MDGA2: variants seen among roughly 807,000 people sequenced by gnomAD.
The protein encoded by MDGA2 is MAM domain-containing glycosylphosphatidylinositol anchor protein 2.
MDGA2 carries 40 observed loss-of-function variants against 117.8 expected under a neutral mutation model. That is an observed-to-expected ratio of 0.34 (90% CI 0.26 to 0.44). The LOEUF (loss-of-function observed/expected upper bound fraction) is 0.44, where lower values mean the gene tolerates loss of function less well. MDGA2 is among the 20% of genes least tolerant of loss of function. The probability of loss-of-function intolerance (pLI) is 1.00; values close to 1 mark genes in which losing one functional copy is unlikely to be tolerated. For synonymous variants in MDGA2, 452 were observed against 439.0 expected, an observed-to-expected ratio of 1.03 and a Z score of -0.37; for missense variants, 1,123 against 1,250.6, an observed-to-expected ratio of 0.90 and a Z score of 1.54.
chr14:47,509,144 C>T (rs994638993), intron 1 of MDGA2, among the ~76,000 whole-genome samples: 3 of 152,084 alleles, frequency 2.0e-5, no homozygotes, highest in Admixed American at 6.5e-5. Flanking sequence ...ACCAGAATGC[C>T]GTGAAAAACA....
chr14:47,052,602 T>C (rs1404374434), intron 7 of MDGA2, among the ~76,000 whole-genome samples: 2 of 151,938 alleles, frequency 1.3e-5, no homozygotes. Context: ...TCCATTTTTA[T>C]ATTTATGTCC....
intron 3 of MDGA2, among the ~76,000 whole-genome samples, chr14:47,192,819 A>G (rs2139412082): frequency 6.6e-6 from 1 of 152,262 alleles, no homozygotes; most frequent in South Asian, 2.1e-4. Flanking sequence ...AAATAGGCCA[A>G]CCACATATGC....
At chr14:47,494,019 A>G (rs1195983988) in intron 1 of MDGA2, among the ~76,000 whole-genome samples, 2 of 152,146 alleles carry the variant, frequency 1.3e-5, no homozygotes, top group East Asian at 1.9e-4. Flanking sequence ...TTGTGACAGT[A>G]AGTGAGTTAT....
At chr14:47,599,338 A>G (rs940085167) in intron 1 of MDGA2, among the ~76,000 whole-genome samples, 3 of 152,104 alleles carry the variant, frequency 2.0e-5, no homozygotes, top group African/African-American at 7.2e-5. Context: ...TTTTATTCAA[A>G]TGGCATCAAA....
intron 14 of MDGA2, among the ~76,000 whole-genome samples, chr14:46,867,492 T>C (rs546750312): frequency 6.6e-6 from 1 of 152,192 alleles, no homozygotes; most frequent in East Asian, 1.9e-4. Flanking sequence ...TGTATACATA[T>C]GTAACTAACC....
At chr14:47,475,746 T>C (rs1375372497) in intron 1 of MDGA2, among the ~76,000 whole-genome samples, 5 of 152,168 alleles carry the variant, frequency 3.3e-5, no homozygotes, top group Non-Finnish European at 5.9e-5. Context: ...ACACTGCATG[T>C]TCTCACTTAT....
At chr14:47,417,295 C>G (rs996504163) in intron 1 of MDGA2, among the ~76,000 whole-genome samples, 7 of 152,198 alleles carry the variant, frequency 4.6e-5, no homozygotes, top group African/African-American at 1.7e-4. Flanking sequence ...TTCAAACATT[C>G]TACTTTGTCA....
At chr14:47,485,330 G>C (rs537338944) in intron 1 of MDGA2, among the ~76,000 whole-genome samples, 3 of 152,244 alleles carry the variant, frequency 2.0e-5, no homozygotes, top group South Asian at 4.1e-4. Flanking sequence ...CTTTGAACTT[G>C]AGAGAGTGAT....
rs187752069 is a variant in MDGA2, at chr14:47,502,653, G to C, written c.280+171864C>G. 6.4e-4 allele frequency among the ~76,000 whole-genome samples: 98 copies of C among 152,070 alleles called. 1 individual carries two copies. The highest frequency in any genetic ancestry group is 3.4e-3 in the Middle Eastern group (1 of 294). ...AAATCTCAAAGATAATCCTTTGGGGGTTTTTTTGTTTTATTATTTGTATTT... is the reference window on the plus strand; with the variant it reads ...AAATCTCAAAGATAATCCTTTGGGGCTTTTTTTGTTTTATTATTTGTATTT... On this transcript the variant is annotated intron_variant, in intron 1 of 16. Coordinates refer to ENST00000399232, the MANE Select transcript of MDGA2 (RefSeq NM_001113498.3).
chr14:47,276,224 A>G (rs568975902), intron 2 of MDGA2, among the ~76,000 whole-genome samples: 8 of 152,304 alleles, frequency 5.3e-5, no homozygotes, highest in Non-Finnish European at 7.3e-5. Context: ...AGTCCAAATT[A>G]TAAGTTCTAA....
At chr14:47,398,778 G>C (rs956319262) in intron 1 of MDGA2, among the ~76,000 whole-genome samples, 1 of 152,056 alleles carries the variant, frequency 6.6e-6, no homozygotes, top group African/African-American at 2.4e-5. Flanking sequence ...ATTTCCCTTA[G>C]TTCTTTATAT....
intron 1 of MDGA2, among the ~76,000 whole-genome samples, chr14:47,531,336 G>T (rs1895096225): frequency 6.6e-6 from 1 of 152,140 alleles, no homozygotes; most frequent in African/African-American, 2.4e-5. Flanking sequence ...CCTTTAGAAA[G>T]ACTTCAAATA....
intron 1 of MDGA2, among the ~76,000 whole-genome samples, chr14:47,651,266 C>T (rs1897638364): frequency 7.0e-6 from 1 of 143,674 alleles, no homozygotes; most frequent in Non-Finnish European, 1.5e-5. Context: ...CCATAAATAC[C>T]TATACACACA....
chr14:47,453,217 G>A (rs995871210), intron 1 of MDGA2, among the ~76,000 whole-genome samples: 1 of 151,984 alleles, frequency 6.6e-6, no homozygotes, highest in Non-Finnish European at 1.5e-5. Context: ...TTTCAAGTAT[G>A]ATCAACTGAT....
chr14:46,944,479 C>T (rs889682776), intron 9 of MDGA2, among the ~76,000 whole-genome samples: 2 of 151,776 alleles, frequency 1.3e-5, no homozygotes, highest in Non-Finnish European at 2.9e-5. Flanking sequence ...CCATGATATG[C>T]TTGGATCTGT....
chr14:47,667,818 A>G (rs188610519), intron 1 of MDGA2, among the ~76,000 whole-genome samples: 1 of 152,274 alleles, frequency 6.6e-6, no homozygotes, highest in Admixed American at 6.5e-5. Context: ...CAACAAAACA[A>G]GACAAAAAAT....
intron 1 of MDGA2, among the ~76,000 whole-genome samples, chr14:47,311,973 A>C (rs1293687081): frequency 3.9e-5 from 6 of 152,148 alleles, no homozygotes; most frequent in Non-Finnish European, 8.8e-5. Flanking sequence ...TAAATAATTT[A>C]TACTCTGATA....
At chr14:47,153,513 A>G (rs1322563108) in intron 3 of MDGA2, among the ~76,000 whole-genome samples, 1 of 152,036 alleles carries the variant, frequency 6.6e-6, no homozygotes, top group Non-Finnish European at 1.5e-5. Flanking sequence ...TGTTTGGTTG[A>G]CGCAGCTCCT....
At chr14:47,233,766 T>C (rs1886767721) in intron 2 of MDGA2, among the ~76,000 whole-genome samples, 1 of 152,174 alleles carries the variant, frequency 6.6e-6, no homozygotes, top group African/African-American at 2.4e-5. Flanking sequence ...CCTGATAGTA[T>C]ATTAGACTGT....
Sources: allele counts gnomAD v4.1 joint callset (sites outside exome capture counted in the v4.1 genomes callset), GRCh38; gene constraint gnomAD v4.1.1; transcripts MANE v1.5; gene names NCBI Gene and HGNC (gene_info 2026-07-23, HGNC 2026-07-21).